CCDC7: variants seen among roughly 807,000 people sequenced by gnomAD.
CCDC7 encodes the protein coiled-coil domain containing 7.
In CCDC7, 183 loss-of-function variants were observed where a neutral mutation model predicts 196.9. The ratio of observed to expected loss-of-function variants is 0.93; its 90% confidence interval spans 0.82 to 1.05. The LOEUF (loss-of-function observed/expected upper bound fraction) is 1.05, where lower values mean the gene tolerates loss of function less well. Among genes scored for constraint, CCDC7 ranks in the 50% least tolerant of loss-of-function variants. The pLI, the probability that CCDC7 is intolerant of heterozygous loss-of-function variation, is 0.00. For synonymous variants in CCDC7, 525 were observed against 484.6 expected (o/e 1.08, Z -1.10); for missense variants, 1,540 against 1,482.2 (o/e 1.04, Z -0.64).
intron 20 of CCDC7, among the ~76,000 whole-genome samples, chr10:32,642,091 C>CAG (rs942141965): frequency 5.3e-5 from 8 of 152,116 alleles, no homozygotes; most frequent in Non-Finnish European, 1.0e-4. Context: ...TTAGGCTACT[C>CAG]GGGTCAGGGA....
chr10:32,834,813 A>T lies in CCDC7; in HGVS notation c.3269-2A>T. On this transcript the variant is annotated splice_acceptor_variant, in intron 32 of 41. Transcript: ENST00000639629. LOFTEE classifies it high-confidence loss of function. ...TTTTGAAAACCTGTTTTATTTTTATAGAGACTGTCTTAAAACACTTGAAAG... is the reference window on the plus strand; with the variant it reads ...TTTTGAAAACCTGTTTTATTTTTATTGAGACTGTCTTAAAACACTTGAAAG... The T allele has an allele frequency of 7.4e-7, 1 of 1,359,328 alleles. No homozygotes were observed. Among genetic ancestry groups the T allele is most frequent in the Non-Finnish European group, 1.0e-6 (1 of 958,738 alleles). The allele number at this position is 1,359,328 out of a possible 1,614,324, so 84.2% of individuals were successfully genotyped here. A position where few individuals can be genotyped will look rare whatever the true frequency, so the allele number is the denominator to read the frequency against.
At chr10:32,679,167 C>G (rs903281082) in intron 21 of CCDC7, among the ~76,000 whole-genome samples, 5 of 152,084 alleles carry the variant, frequency 3.3e-5, no homozygotes, top group African/African-American at 1.2e-4. Context: ...GACTATTTCA[C>G]AAGCATGGGT....
upstream of CCDC7, among the ~76,000 whole-genome samples, chr10:32,448,795 A>G (rs1328984565): frequency 6.6e-6 from 1 of 151,938 alleles, no homozygotes; most frequent in African/African-American, 2.4e-5. Context: ...TTATTTTCTC[A>G]TTTTCAGTAG....
At chr10:32,657,501 G>C (rs2070213975) in intron 20 of CCDC7, among the ~76,000 whole-genome samples, 1 of 152,230 alleles carries the variant, frequency 6.6e-6, no homozygotes, top group East Asian at 1.9e-4. Context: ...ACCCTCTGAA[G>C]CAATGGTCTG....
chr10:32,676,903 A>C (rs1001614699), intron 21 of CCDC7, among the ~76,000 whole-genome samples: 1 of 152,182 alleles, frequency 6.6e-6, no homozygotes, highest in Non-Finnish European at 1.5e-5. Context: ...TCATGCTGCT[A>C]TAAAGACACA....
intron 20 of CCDC7, among the ~76,000 whole-genome samples, chr10:32,640,822 T>G (rs2066607779): frequency 1.3e-5 from 2 of 151,760 alleles, no homozygotes; most frequent in South Asian, 4.2e-4. Flanking sequence ...TCTTTAAGAA[T>G]GTTGAATATT....
chr10:32,750,780 T>C (rs1565388587), intron 28 of CCDC7, among the ~76,000 whole-genome samples: 1 of 152,164 alleles, frequency 6.6e-6, no homozygotes, highest in Non-Finnish European at 1.5e-5. Context: ...TTTACTTTGT[T>C]TGGCCTTCAA....
chr10:32,796,587 T>A (rs555596723), intron 29 of CCDC7, among the ~76,000 whole-genome samples: 1 of 152,334 alleles, frequency 6.6e-6, no homozygotes, highest in East Asian at 1.9e-4. Flanking sequence ...AGAGAATAGA[T>A]CTTAGAAACA....
intron 41 of CCDC7, among the ~76,000 whole-genome samples, chr10:32,872,239 C>CT (rs1261440082): frequency 6.6e-6 from 1 of 152,094 alleles, no homozygotes; most frequent in Non-Finnish European, 1.5e-5. Flanking sequence ...GTGTGGGAGT[C>CT]TAAGTCTCTT....
intron 14 of CCDC7, 102 bp downstream of exon 15, chr10:32,565,722 A>C (rs2056675612): frequency 8.0e-7 from 1 of 1,246,820 alleles, no homozygotes; most frequent in Non-Finnish European, 1.1e-6. Flanking sequence ...TAAGAGGTCT[A>C]CATATTCTAC....
At chr10:32,764,574 C>T (rs73243838) in intron 28 of CCDC7, among the ~76,000 whole-genome samples, 8,038 of 151,854 alleles carry the variant, frequency 0.053, 710 homozygotes, top group African/African-American at 0.18. Flanking sequence ...AGTTGAAATG[C>T]AGAATTGCCG....
chr10:32,693,737 G>A (rs538088179), intron 23 of CCDC7, among the ~76,000 whole-genome samples: 5 of 152,232 alleles, frequency 3.3e-5, no homozygotes, highest in African/African-American at 1.2e-4. Flanking sequence ...TTTTCTCCAG[G>A]TGCTCCAATT....
At chr10:32,567,990 A>T in intron 15 of CCDC7, 99 bp downstream of exon 16, 2 of 1,162,996 alleles carry the variant, frequency 1.7e-6, no homozygotes, top group Non-Finnish European at 1.1e-6. Flanking sequence ...TTAAAAATTC[A>T]TGCCTCTGTT....
intron 20 of CCDC7, among the ~76,000 whole-genome samples, chr10:32,645,363 A>T (rs754821340): frequency 1.3e-5 from 2 of 152,120 alleles, no homozygotes; most frequent in Non-Finnish European, 2.9e-5. Context: ...TACTTCCCTG[A>T]TATGAATCCC....
intron 2 of CCDC7, among the ~76,000 whole-genome samples, chr10:32,453,910 G>A (rs1288549748): frequency 6.6e-6 from 1 of 152,116 alleles, no homozygotes; most frequent in Non-Finnish European, 1.5e-5. Context: ...GTTTATAGAA[G>A]TTTCGTTCGT....
intron 14 of CCDC7, among the ~76,000 whole-genome samples, chr10:32,566,644 T>C (rs1010432771): frequency 1.3e-5 from 2 of 152,034 alleles, no homozygotes; most frequent in East Asian, 3.9e-4. Context: ...GGCATCATGG[T>C]TCATGCCTGT....
intron 41 of CCDC7, among the ~76,000 whole-genome samples, chr10:32,873,691 C>T (rs2094507625): frequency 6.6e-6 from 1 of 151,906 alleles, no homozygotes; most frequent in Non-Finnish European, 1.5e-5. Context: ...TATGAACATT[C>T]ATGTGACATT....
chr10:32,781,670 A>G (rs2081085586), intron 29 of CCDC7, among the ~76,000 whole-genome samples: 1 of 152,204 alleles, frequency 6.6e-6, no homozygotes, highest in East Asian at 1.9e-4. Flanking sequence ...ATAAAAAGCC[A>G]AATACAAAAA....
chr10:32,678,093 C>A lies in CCDC7; in HGVS notation c.2123-7877C>A, dbSNP rs1238214824. Among the ~76,000 whole-genome samples, 4 of 151,926 alleles carry A rather than the reference C, an allele frequency of 2.6e-5. No homozygotes were observed. In the East Asian group the frequency reaches 7.7e-4, roughly 29 times the overall value. On this transcript the variant is annotated intron_variant, in intron 21 of 41. Transcript: ENST00000639629. ...TATGGTTGGTAAGTCTTTGTTGAAT[C>A]TCTCATTTTTTGTTCATGTGTTGTT...
Sources: gnomAD v4.1 joint callset for allele counts (sites outside exome capture counted in the v4.1 genomes callset) on GRCh38, gnomAD v4.1.1 for gene constraint, MANE v1.5 for transcripts, NCBI Gene and HGNC (gene_info 2026-07-23, HGNC 2026-07-21) for gene names.